Variants in SLIT3 observed in about 807,000 individuals in gnomAD.
The protein encoded by SLIT3 is slit homolog 3 protein.
SLIT3 carries 68 observed loss-of-function variants against 184.0 expected under a neutral mutation model. The observed-to-expected ratio is 0.37, with a 90% CI of 0.30 to 0.45. SLIT3 has a LOEUF of 0.45. Ranked by LOEUF, SLIT3 falls within the 20% of genes least tolerant of loss-of-function variation. The pLI is 1.00. For missense variants in SLIT3, 1,707 were observed against 2,026.0 expected, an observed-to-expected ratio of 0.84 and a Z score of 3.02; for synonymous variants, 831 against 828.6, an observed-to-expected ratio of 1.00 and a Z score of -0.05.
chr5:168,903,342 G>A (rs1465377808), intron 4 of SLIT3, among the ~76,000 whole-genome samples: 1 of 152,068 alleles, frequency 6.6e-6, no homozygotes, highest in African/African-American at 2.4e-5. Flanking sequence ...GTCCCTGGAA[G>A]CTGAAATTTC....
chr5:168,669,267 A>T (rs1761156518), intron 35 of SLIT3, among the ~76,000 whole-genome samples: 1 of 152,104 alleles, frequency 6.6e-6, no homozygotes, highest in Non-Finnish European at 1.5e-5. Context: ...CAAGTGGCTT[A>T]CTCTCTTCTG....
chr5:168,923,274 G>A lies in SLIT3; in HGVS notation c.414-39938C>T, dbSNP rs79742397. Among the ~76,000 whole-genome samples, 1,350 of 152,176 alleles carry A rather than the reference G, an allele frequency of 8.9e-3. 43 individuals carry two copies. The East Asian group carries it at 0.13, about 14-fold the overall frequency. On this transcript the variant is annotated intron_variant, in intron 4 of 35. Transcript: ENST00000519560. ...CATCCTACGAGCCACAGTTCTGGGC[G>A]TCAGTCTTGAAGCTCCCCCTCCCTA...
At chr5:168,768,159 G>A (rs1187325977) in intron 14 of SLIT3, 1 of 519,862 alleles carries the variant, frequency 1.9e-6, no homozygotes, top group South Asian at 1.4e-5. Flanking sequence ...AGGAGAGCAC[G>A]GTGCTTTCCG....
intron 4 of SLIT3, among the ~76,000 whole-genome samples, chr5:169,082,572 ATGTG>A (rs746321521): frequency 5.5e-4 from 59 of 107,978 alleles, no homozygotes; most frequent in Non-Finnish European, 1.0e-3. Flanking sequence ...ACCTGTCTCT[ATGTG>A]TGTGTGTGTC....
chr5:169,056,941 C>T (rs978146266), intron 4 of SLIT3, among the ~76,000 whole-genome samples: 2 of 152,208 alleles, frequency 1.3e-5, no homozygotes, highest in African/African-American at 4.8e-5. Flanking sequence ...CTCTCTGAGC[C>T]TCATTTTCTC....
intron 9 of SLIT3, among the ~76,000 whole-genome samples, chr5:168,798,151 G>A (rs62378491): frequency 0.018 from 2,678 of 151,934 alleles, 44 homozygotes; most frequent in Non-Finnish European, 0.029. Context: ...GCCTGGCAGA[G>A]ATCTTGCTCT....
At chr5:168,999,116 A>C (rs1755613835) in intron 4 of SLIT3, among the ~76,000 whole-genome samples, 1 of 152,002 alleles carries the variant, frequency 6.6e-6, no homozygotes, top group African/African-American at 2.4e-5. Flanking sequence ...GAGTCTCACT[A>C]CATTGCCCAG....
chr5:168,797,308 G>T (rs1381402072), intron 9 of SLIT3, among the ~76,000 whole-genome samples: 1 of 152,212 alleles, frequency 6.6e-6, no homozygotes, highest in African/African-American at 2.4e-5. Flanking sequence ...CTCTGGGGCT[G>T]CCAGTCAGGT....
intron 32 of SLIT3, among the ~76,000 whole-genome samples, chr5:168,680,256 G>C (rs1343522521): frequency 1.3e-5 from 2 of 152,234 alleles, no homozygotes; most frequent in Non-Finnish European, 2.9e-5. Flanking sequence ...ACAAGTCTCA[G>C]TGCCAAGGAA....
chr5:168,969,316 A>C (rs1310701641), intron 4 of SLIT3, among the ~76,000 whole-genome samples: 1 of 152,150 alleles, frequency 6.6e-6, no homozygotes, highest in East Asian at 1.9e-4. Context: ...GTGATGAATA[A>C]ATTATGCAGA....
At chr5:169,089,951 A>T (rs7725000) in intron 4 of SLIT3, among the ~76,000 whole-genome samples, 8,668 of 152,288 alleles carry the variant, frequency 0.057, 397 homozygotes, top group Admixed American at 0.14. Flanking sequence ...GGTATCATTC[A>T]GAGTCCTACC....
chr5:168,929,275 AAC>A (rs1761918727), intron 4 of SLIT3, among the ~76,000 whole-genome samples: 1 of 152,166 alleles, frequency 6.6e-6, no homozygotes. Flanking sequence ...TAATATTAAG[AAC>A]AGTTATTATT....
intron 4 of SLIT3, among the ~76,000 whole-genome samples, chr5:168,969,878 A>C (rs1421339699): frequency 6.6e-6 from 1 of 152,194 alleles, no homozygotes; most frequent in Non-Finnish European, 1.5e-5. Context: ...CTTCCTCATC[A>C]TCCTTTAAGA....
At chr5:168,874,353 G>T (rs1759653628) in intron 5 of SLIT3, among the ~76,000 whole-genome samples, 1 of 152,048 alleles carries the variant, frequency 6.6e-6, no homozygotes, top group African/African-American at 2.4e-5. Context: ...TTCATTCAGG[G>T]TTTCAGCTGT....
chr5:168,955,487 G>A (rs1448036081), intron 4 of SLIT3, among the ~76,000 whole-genome samples: 1 of 152,156 alleles, frequency 6.6e-6, no homozygotes, highest in Non-Finnish European at 1.5e-5. Flanking sequence ...TCAGGCTGCA[G>A]GTGTTTGCTG....
intron 4 of SLIT3, among the ~76,000 whole-genome samples, chr5:168,988,777 C>T (rs902128850): frequency 6.6e-6 from 1 of 152,118 alleles, no homozygotes; most frequent in Non-Finnish European, 1.5e-5. Flanking sequence ...TAGGAGACCC[C>T]CCCCCAGGGG....
intron 3 of SLIT3, among the ~76,000 whole-genome samples, chr5:169,219,621 AG>A (rs1423208819): frequency 1.3e-5 from 2 of 148,864 alleles, no homozygotes; most frequent in African/African-American, 4.9e-5. Context: ...GAATGCAGCA[AG>A]GGGCTCACCC....
chr5:169,078,991 C>A (rs1758858758), intron 4 of SLIT3, among the ~76,000 whole-genome samples: 1 of 152,156 alleles, frequency 6.6e-6, no homozygotes. Flanking sequence ...TTTCTCATGG[C>A]ACAGAATTCT....
intron 4 of SLIT3, among the ~76,000 whole-genome samples, chr5:169,131,618 C>T (rs937199199): frequency 6.6e-6 from 1 of 152,218 alleles, no homozygotes; most frequent in Admixed American, 6.5e-5. Context: ...CATGCACCAA[C>T]TTAGAAAGCT....
Sources: gnomAD v4.1 joint callset for allele counts (sites outside exome capture counted in the v4.1 genomes callset) on GRCh38, gnomAD v4.1.1 for gene constraint, MANE v1.5 for transcripts, NCBI Gene and HGNC (gene_info 2026-07-23, HGNC 2026-07-21) for gene names.